Variants in CNTN1 observed in about 807,000 individuals in gnomAD.
CNTN1 encodes the protein contactin 1, also known as contactin-1.
Under a neutral mutation model 126.4 loss-of-function variants are expected in CNTN1, and 38 were observed. The ratio of observed to expected loss-of-function variants is 0.30; its 90% CI spans 0.23 to 0.39. CNTN1 has a LOEUF of 0.39. Ranked by LOEUF, CNTN1 falls within the 10% of genes least tolerant of loss-of-function variation. CNTN1 has a pLI of 1.00. For missense variants in CNTN1, 1,009 were observed against 1,248.4 expected (o/e 0.81, Z 2.89); for synonymous variants, 413 against 422.6 (o/e 0.98, Z 0.28).
chr12:40,957,532 G>A (rs551304748), intron 14 of CNTN1, among the ~76,000 whole-genome samples: 3 of 149,936 alleles, frequency 2.0e-5, no homozygotes, highest in South Asian at 4.2e-4. Flanking sequence ...CATGCTATTT[G>A]GTTTTCTGAT....
At chr12:40,822,066 C>T (rs912697923) in intron 1 of CNTN1, among the ~76,000 whole-genome samples, 35 of 151,424 alleles carry the variant, frequency 2.3e-4, no homozygotes, top group African/African-American at 8.2e-4. Flanking sequence ...CTCTGCTCCC[C>T]AGAAGTAACT....
chr12:41,049,801 C>A (rs915576366), intron 23 of CNTN1, among the ~76,000 whole-genome samples: 1 of 152,172 alleles, frequency 6.6e-6, no homozygotes, highest in African/African-American at 2.4e-5. Flanking sequence ...CCATTAACTC[C>A]CCAGCTCATG....
At chr12:40,871,308 G>A (rs1424454649) in intron 1 of CNTN1, among the ~76,000 whole-genome samples, 4 of 151,844 alleles carry the variant, frequency 2.6e-5, no homozygotes, top group Non-Finnish European at 5.9e-5. Context: ...TGAATACTAT[G>A]GGACTTACAT....
At chr12:40,731,711 A>G (rs2121264919) in intron 1 of CNTN1, among the ~76,000 whole-genome samples, 1 of 152,096 alleles carries the variant, frequency 6.6e-6, no homozygotes, top group African/African-American at 2.4e-5. Context: ...TATATTCCAT[A>G]CAATGGAATA....
At chr12:40,826,862 A>ATT (rs1941629134) in intron 1 of CNTN1, among the ~76,000 whole-genome samples, 1 of 152,070 alleles carries the variant, frequency 6.6e-6, no homozygotes, top group African/African-American at 2.4e-5. Flanking sequence ...AGAAATATGA[A>ATT]TTGTGTGTGT....
intron 3 of CNTN1, among the ~76,000 whole-genome samples, chr12:40,911,680 C>A (rs1049119967): frequency 6.6e-6 from 1 of 152,200 alleles, no homozygotes; most frequent in Admixed American, 6.5e-5. Flanking sequence ...TGCTGCAGTT[C>A]CAGGTATCAC....
intron 16 of CNTN1, among the ~76,000 whole-genome samples, chr12:40,989,971 G>T (rs278914): frequency 0.065 from 9,882 of 151,466 alleles, 619 homozygotes; most frequent in African/African-American, 0.17. Flanking sequence ...TTCTGATGTG[G>T]TTGGGGTCAG....
intron 5 of CNTN1, among the ~76,000 whole-genome samples, chr12:40,924,326 G>T (rs1237899065): frequency 2.0e-5 from 3 of 152,106 alleles, no homozygotes; most frequent in South Asian, 4.1e-4. Flanking sequence ...GAATTCTTAT[G>T]CAGGCTGCTC....
intron 11 of CNTN1, among the ~76,000 whole-genome samples, chr12:40,938,034 C>A (rs1946139391): frequency 6.6e-6 from 1 of 152,114 alleles, no homozygotes. Context: ...TTGAGAATGA[C>A]CAGACCAGAG....
intron 1 of CNTN1, among the ~76,000 whole-genome samples, chr12:40,853,717 A>G (rs1429846206): frequency 2.0e-5 from 3 of 151,936 alleles, no homozygotes; most frequent in African/African-American, 7.3e-5. Flanking sequence ...GCAATAAAAT[A>G]GGTAATTACA....
rs148722799 is a variant in CNTN1, at chr12:40,817,076, C to T, written c.-76-91281C>T. ...AGTGTTTTACTTTCAATTATGTGGT[C>T]GATTTTAGAATAAGTGCCATGTGGC... On this transcript the variant is annotated intron_variant, in intron 1 of 23. Transcript: ENST00000551295. Among the ~76,000 whole-genome samples the T allele has an allele frequency of 2.7e-3, 418 of 152,146 alleles. 4 individuals are homozygous for T. Among genetic ancestry groups the T allele is most frequent in the African/African-American group, 9.2e-3 (380 of 41,510 alleles).
At chr12:40,994,808 G>T (rs1227533792) in intron 17 of CNTN1, among the ~76,000 whole-genome samples, 1 of 151,826 alleles carries the variant, frequency 6.6e-6, no homozygotes, top group African/African-American at 2.4e-5. Flanking sequence ...TCATAGTTAA[G>T]GTTGAAATCT....
chr12:40,923,313 G>C (rs1282842938), intron 5 of CNTN1, among the ~76,000 whole-genome samples: 1 of 151,744 alleles, frequency 6.6e-6, no homozygotes, highest in Non-Finnish European at 1.5e-5. Flanking sequence ...TGGGAGATGA[G>C]TTGGACCAGG....
At chr12:41,006,351 C>T (rs1258874890) in intron 17 of CNTN1, among the ~76,000 whole-genome samples, 1 of 152,182 alleles carries the variant, frequency 6.6e-6, no homozygotes, top group African/African-American at 2.4e-5. Flanking sequence ...GTATCTGCCT[C>T]CCTGCAGGTG....
At chr12:40,785,481 G>A (rs10748158) in intron 1 of CNTN1, among the ~76,000 whole-genome samples, 137,705 of 152,082 alleles carry the variant, frequency 0.91, 62,477 homozygotes, top group Middle Eastern at 0.95. Flanking sequence ...TCACCTGGGT[G>A]CGGGCGGGCT....
chr12:40,934,450 AATTATCATGGCACAAACCTTTG>A (rs1946011759), intron 9 of CNTN1, among the ~76,000 whole-genome samples: 1 of 151,320 alleles, frequency 6.6e-6, no homozygotes, highest in South Asian at 2.1e-4. Flanking sequence ...TTTTTGACAA[AATTATCATGGCACAAACCTTTG>A]ATTTTCACAC....
chr12:41,025,157 A>G lies in CNTN1; in HGVS notation c.2531A>G (p.Tyr844Cys). The G allele has an allele frequency of 1.2e-6, 2 of 1,613,852 alleles. No homozygotes were observed. The highest frequency in any genetic ancestry group is 1.7e-6 in the Non-Finnish European group (2 of 1,179,820). Residue 844 changes from tyrosine to cysteine, a missense_variant, in exon 21 of 24, where the codon TAT becomes TGT. Transcript: ENST00000551295. ...CATCCTGAATGTTTGCAGATTCGGT[A>G]TTGGGCTGCCCATGACAAAGAAGAA... ...EKIVESYQIR[Y>C]WAAHDKEEAA... is the part of the protein sequence containing the mutation.
chr12:40,970,541 A>G (rs1947473042), intron 15 of CNTN1, among the ~76,000 whole-genome samples: 1 of 152,144 alleles, frequency 6.6e-6, no homozygotes, highest in Admixed American at 6.6e-5. Context: ...ATAAAATGGT[A>G]TAATTCTAAT....
intron 1 of CNTN1, among the ~76,000 whole-genome samples, chr12:40,896,766 TATA>T (rs1340530454): frequency 6.6e-6 from 1 of 152,194 alleles, no homozygotes; most frequent in Non-Finnish European, 1.5e-5. Flanking sequence ...TAAGCAAGAA[TATA>T]ATAATAAGAT....
Sources: gnomAD v4.1 joint callset for allele counts (sites outside exome capture counted in the v4.1 genomes callset) on GRCh38, gnomAD v4.1.1 for gene constraint, MANE v1.5 for transcripts, NCBI Gene and HGNC (gene_info 2026-07-23, HGNC 2026-07-21) for gene names.